Variants in CPNE5 observed in about 807,000 individuals in gnomAD.
CPNE5 encodes the protein copine-5.
In CPNE5, 42 loss-of-function variants were observed where a neutral mutation model predicts 81.1. The ratio of observed to expected loss-of-function variants is 0.52; its 90% CI spans 0.40 to 0.67. CPNE5 has a LOEUF of 0.67. Ranked by LOEUF, CPNE5 falls within the 30% of genes least tolerant of loss-of-function variation. CPNE5 has a pLI of 0.00. For missense variants in CPNE5, 612 were observed against 815.5 expected, an observed-to-expected ratio of 0.75 and a Z score of 3.04; for synonymous variants, 313 against 321.5, an observed-to-expected ratio of 0.97 and a Z score of 0.28.
At chr6:36,808,098 CT>C (rs55861804) in intron 3 of CPNE5, among the ~76,000 whole-genome samples, 21 of 148,642 alleles carry the variant, frequency 1.4e-4, no homozygotes, top group South Asian at 2.1e-4. Context: ...TTTCTTTTTT[CT>C]TTTTTTTTTG....
chr6:36,811,383 A>G (rs1771089554), intron 3 of CPNE5, among the ~76,000 whole-genome samples: 1 of 152,216 alleles, frequency 6.6e-6, no homozygotes, highest in African/African-American at 2.4e-5. Context: ...GGCTTCTTAT[A>G]AGAAGAGCCA....
intron 8 of CPNE5, among the ~76,000 whole-genome samples, chr6:36,788,034 CTTT>C (rs761359601): frequency 5.1e-5 from 7 of 138,222 alleles, no homozygotes; most frequent in Admixed American, 1.5e-4. Context: ...CCTACCTTTT[CTTT>C]TTTTTTTTTT....
intron 3 of CPNE5, among the ~76,000 whole-genome samples, chr6:36,803,181 C>G (rs1246484501): frequency 6.6e-6 from 1 of 152,156 alleles, no homozygotes; most frequent in Non-Finnish European, 1.5e-5. Flanking sequence ...TCGGCTAAAT[C>G]TCTTCCTTTG....
intron 7 of CPNE5, chr6:36,792,404 T>C: frequency 3.5e-6 from 5 of 1,437,250 alleles, no homozygotes; most frequent in Non-Finnish European, 4.6e-6. Flanking sequence ...ACCCGGAGGC[T>C]TCCAGACCAG....
chr6:36,765,286 T>A (rs1193834943), intron 11 of CPNE5, 49 bp downstream of exon 11: 1 of 1,601,788 alleles, frequency 6.2e-7, no homozygotes, highest in Admixed American at 1.7e-5. Context: ...GCCCAGTGGC[T>A]GTCCCCATCC....
chr6:36,793,209 GAGAGGCTCTCAAAC>G (rs1393669978), intron 7 of CPNE5, among the ~76,000 whole-genome samples: 2 of 152,138 alleles, frequency 1.3e-5, no homozygotes, highest in Non-Finnish European at 2.9e-5. Flanking sequence ...CTATTGGAGG[GAGAGGCTCTCAAAC>G]AGAGGAGGCA....
chr6:36,771,750 C>T (rs895074999), intron 10 of CPNE5, among the ~76,000 whole-genome samples: 10 of 151,928 alleles, frequency 6.6e-5, no homozygotes, highest in Non-Finnish European at 1.5e-4. Context: ...TGCACAGGGC[C>T]CTCCCCTGCC....
chr6:36,756,825 T>C (rs192083426), intron 12 of CPNE5, among the ~76,000 whole-genome samples: 9 of 152,242 alleles, frequency 5.9e-5, no homozygotes, highest in African/African-American at 2.2e-4. Context: ...ATTCTTTGAG[T>C]GTAAGCTTTA....
intron 3 of CPNE5, among the ~76,000 whole-genome samples, chr6:36,800,468 T>G (rs1770004814): frequency 6.6e-6 from 1 of 152,090 alleles, no homozygotes; most frequent in South Asian, 2.1e-4. Context: ...TCTCTGAGCC[T>G]CCACCGAACT....
intron 12 of CPNE5, chr6:36,757,351 G>T: frequency 4.1e-6 from 4 of 985,332 alleles, no homozygotes; most frequent in Non-Finnish European, 4.8e-6. Context: ...TCCCACAGAG[G>T]CCGTCAGCTG....
chr6:36,821,787 G>A (rs1772075076), intron 3 of CPNE5, among the ~76,000 whole-genome samples: 2 of 152,156 alleles, frequency 1.3e-5, no homozygotes. Flanking sequence ...CCTGGTGCTA[G>A]AAGCTGCACT....
chr6:36,763,020 A>G (rs236431), intron 11 of CPNE5, 28 bp from the exon 12 acceptor site: 112,881 of 1,605,566 alleles, frequency 0.07, 4,633 homozygotes, highest in African/African-American at 0.16. Context: ...TGCTGAGACC[A>G]AGGCCAGGCT....
chr6:36,773,090 C>T (rs796846081), intron 10 of CPNE5, among the ~76,000 whole-genome samples: 8 of 152,082 alleles, frequency 5.3e-5, no homozygotes, highest in South Asian at 2.1e-4. Flanking sequence ...CACTATGTTA[C>T]GCGGGCTGGT....
At chr6:36,765,027 C>T (rs568315297) in intron 11 of CPNE5, among the ~76,000 whole-genome samples, 12 of 152,200 alleles carry the variant, frequency 7.9e-5, no homozygotes, top group South Asian at 2.1e-4. Context: ...AATTCTGCCA[C>T]GCGTGGGGAG....
At chr6:36,748,377 G>T in intron 14 of CPNE5, 110 bp from the exon 15 acceptor site, 1 of 913,362 alleles carries the variant, frequency 1.1e-6, no homozygotes, top group Non-Finnish European at 1.8e-6. Context: ...TGCCAGGTGT[G>T]TGGCCTTGGT....
chr6:36,822,170 G>GA lies in CPNE5; in HGVS notation c.137-11dup. On this transcript the variant is annotated splice_polypyrimidine_tract_variant and intron_variant, in intron 2 of 20. Transcript: ENST00000244751. ...GTATACATGACGCACACTGCGGGGG[G>GA]AGGAGAAACAGTGGATTAATACCTC... The GA allele has an allele frequency of 6.6e-7, 1 of 1,505,150 alleles. No individual in the cohort carries two copies. Among genetic ancestry groups the GA allele is most frequent in the Non-Finnish European group, 9.0e-7 (1 of 1,115,740 alleles). 93.2% of individuals were successfully genotyped at this position (1,505,150 alleles called of 1,614,324 possible).
At position 36,808,279 on chromosome 6, in the gene CPNE5, C is replaced by T. The variant is rs531364457; in HGVS notation, c.184-8209G>A. Among the ~76,000 whole-genome samples, 5 of 151,930 alleles carry T rather than the reference C, an allele frequency of 3.3e-5. No homozygotes were observed. The East Asian group carries it at 7.7e-4, about 23-fold the overall frequency. On this transcript the variant is annotated intron_variant, in intron 3 of 20. Transcript: ENST00000244751. ...CTAAGTTTTGTATTTTTAGTAGAGG[C>T]GGGGTTTGGCCATGTTGACCAGGCT...
intron 2 of CPNE5, 75 bp from the exon 3 acceptor site, chr6:36,822,235 T>G: frequency 1.1e-4 from 129 of 1,221,914 alleles, no homozygotes; most frequent in Non-Finnish European, 1.3e-4. Flanking sequence ...AAAAGGATCC[T>G]GGCTGGGCAG....
At chr6:36,817,546 T>TGACTCTTCCTGTATC (rs1771655223) in intron 3 of CPNE5, among the ~76,000 whole-genome samples, 1 of 152,148 alleles carries the variant, frequency 6.6e-6, no homozygotes, top group Non-Finnish European at 1.5e-5. Flanking sequence ...CTCCCTGTAT[T>TGACTCTTCCTGTATC]GACTCTTCCT....
Sources: gnomAD v4.1 joint callset for allele counts (sites outside exome capture counted in the v4.1 genomes callset) on GRCh38, gnomAD v4.1.1 for gene constraint, MANE v1.5 for transcripts, NCBI Gene and HGNC (gene_info 2026-07-23, HGNC 2026-07-21) for gene names.